Variants in CHRM3 observed in about 807,000 individuals in gnomAD.
The protein encoded by CHRM3 is muscarinic acetylcholine receptor M3.
CHRM3 carries 11 observed loss-of-function variants against 41.8 expected under a neutral mutation model. The ratio of observed to expected loss-of-function variants is 0.26; its 90% confidence interval spans 0.17 to 0.44. CHRM3 has a LOEUF of 0.44. CHRM3 is among the 20% of genes least tolerant of loss of function. The probability of loss-of-function intolerance (pLI) is 1.00; values close to 1 mark genes in which losing one functional copy is unlikely to be tolerated. For synonymous variants in CHRM3, 297 were observed against 301.4 expected (o/e 0.99, Z 0.15); for missense variants, 571 against 745.4 (o/e 0.77, Z 2.72).
intron 4 of CHRM3, among the ~76,000 whole-genome samples, chr1:239,634,591 T>C (rs1670261226): frequency 6.6e-6 from 1 of 150,700 alleles, no homozygotes; most frequent in Admixed American, 6.6e-5. Flanking sequence ...GGTCAAAATA[T>C]GGTCACCAAA....
rs377366936 is a variant in CHRM3 at position 239,600,797 on chromosome 1, TTTCCTTCC to T, written c.-312-31409_-312-31402del. ...TTCTTCTTTTCCTTCCTTCCTTTTC[TTTCCTTCC>T]TTCCTTCCTTCCTTCCTCTTTACTT... On this transcript the variant is annotated intron_variant, in intron 3 of 6. Transcript: ENST00000676153. Among the ~76,000 whole-genome samples the T allele has an allele frequency of 6.0e-5, 9 of 150,566 alleles. No individual in the cohort carries two copies. In the South Asian group the frequency reaches 6.4e-4, roughly 11 times the overall value.
chr1:239,706,310 A>G (rs1182000626), intron 5 of CHRM3: 1 of 152,026 alleles, frequency 6.6e-6, no homozygotes, highest in Non-Finnish European at 1.5e-5. Context: ...TACTGACAGA[A>G]AGGATACTTT....
chr1:239,806,061 C>G (rs187028490), intron 5 of CHRM3, among the ~76,000 whole-genome samples: 2 of 152,282 alleles, frequency 1.3e-5, no homozygotes, highest in South Asian at 2.1e-4. Flanking sequence ...GCTCAGACAC[C>G]TTTGGCATAG....
intron 5 of CHRM3, among the ~76,000 whole-genome samples, chr1:239,794,475 G>C (rs1336720576): frequency 1.3e-5 from 2 of 151,244 alleles, no homozygotes; most frequent in Non-Finnish European, 2.9e-5. Context: ...AACTCAAATG[G>C]ATGATTCAGT....
chr1:239,646,278 G>T (rs944298733), intron 4 of CHRM3, among the ~76,000 whole-genome samples: 1 of 152,070 alleles, frequency 6.6e-6, no homozygotes, highest in African/African-American at 2.4e-5. Flanking sequence ...TAGCTGATCT[G>T]TTCTGATGCT....
At chr1:239,758,523 G>C (rs1220303437) in intron 5 of CHRM3, among the ~76,000 whole-genome samples, 1 of 152,146 alleles carries the variant, frequency 6.6e-6, no homozygotes, top group Non-Finnish European at 1.5e-5. Flanking sequence ...GATATTAATA[G>C]CATAGGTGTA....
intron 3 of CHRM3, among the ~76,000 whole-genome samples, chr1:239,630,161 TATTG>T (rs1370983668): frequency 6.6e-6 from 1 of 152,232 alleles, no homozygotes; most frequent in Non-Finnish European, 1.5e-5. Flanking sequence ...GTGAACAAGA[TATTG>T]ATATTAGTAG....
At chr1:239,480,698 A>T (rs946883666) in intron 1 of CHRM3, among the ~76,000 whole-genome samples, 5 of 151,910 alleles carry the variant, frequency 3.3e-5, no homozygotes, top group Admixed American at 6.6e-5. Context: ...CGGGGACTAC[A>T]GGTGCCCACC....
intron 2 of CHRM3, among the ~76,000 whole-genome samples, chr1:239,495,827 A>G (rs1667842018): frequency 6.6e-6 from 1 of 152,116 alleles, no homozygotes. Flanking sequence ...TGCACACCCC[A>G]TCTTGATTTT....
intron 5 of CHRM3, among the ~76,000 whole-genome samples, chr1:239,810,786 C>T (rs937875772): frequency 1.8e-4 from 28 of 152,210 alleles, no homozygotes; most frequent in Admixed American, 1.8e-3. Context: ...ACCTGTTTAT[C>T]AACCCTTTGA....
At chr1:239,696,136 G>A (rs981578358) in intron 5 of CHRM3, among the ~76,000 whole-genome samples, 16 of 152,108 alleles carry the variant, frequency 1.1e-4, no homozygotes, top group Admixed American at 5.2e-4. Flanking sequence ...CTGGCCTTGG[G>A]TGGGACATTT....
intron 4 of CHRM3, among the ~76,000 whole-genome samples, chr1:239,677,798 A>G (rs552385943): frequency 1.0e-3 from 158 of 152,322 alleles, no homozygotes; most frequent in Non-Finnish European, 1.7e-3. Context: ...GCAGCTTTAT[A>G]TCAACCTAAT....
At chr1:239,808,418 C>T (rs1670833983) in intron 5 of CHRM3, among the ~76,000 whole-genome samples, 1 of 152,034 alleles carries the variant, frequency 6.6e-6, no homozygotes, top group Non-Finnish European at 1.5e-5. Context: ...ACAGAGTTTG[C>T]CCTAGAATGA....
At chr1:239,677,316 T>C (rs1483086950) in intron 4 of CHRM3, among the ~76,000 whole-genome samples, 1 of 152,234 alleles carries the variant, frequency 6.6e-6, no homozygotes, top group Non-Finnish European at 1.5e-5. Flanking sequence ...ATCAAAATGA[T>C]GAGTGAATGT....
intron 5 of CHRM3, among the ~76,000 whole-genome samples, chr1:239,679,027 GGATAGATAGATAGATA>G (rs61514483): frequency 6.7e-6 from 1 of 148,666 alleles, no homozygotes; most frequent in Admixed American, 6.8e-5. Flanking sequence ...GTAGATAGAT[GGATAGATAGATAGATA>G]GATAGATAGA....
intron 3 of CHRM3, among the ~76,000 whole-genome samples, chr1:239,559,811 A>C (rs1455038024): frequency 6.6e-6 from 1 of 152,194 alleles, no homozygotes; most frequent in Non-Finnish European, 1.5e-5. Flanking sequence ...TGCCCTGTCC[A>C]GGATCTTACC....
intron 5 of CHRM3, among the ~76,000 whole-genome samples, chr1:239,794,705 G>A (rs2148883703): frequency 6.6e-6 from 1 of 152,214 alleles, no homozygotes; most frequent in Admixed American, 6.5e-5. Flanking sequence ...TTCTTAACAA[G>A]CAGTAGTGTT....
chr1:239,665,520 G>A (rs983963103), intron 4 of CHRM3, among the ~76,000 whole-genome samples: 4 of 152,064 alleles, frequency 2.6e-5, no homozygotes, highest in African/African-American at 9.7e-5. Flanking sequence ...TTTTTGGAAT[G>A]TTTCTTTTTT....
chr1:239,647,860 G>T (rs1411750441), intron 4 of CHRM3, among the ~76,000 whole-genome samples: 1 of 152,016 alleles, frequency 6.6e-6, no homozygotes, highest in African/African-American at 2.4e-5. Flanking sequence ...TTCCTAGCTG[G>T]CTCAAAATTG....
Sources: gnomAD v4.1 joint callset for allele counts (sites outside exome capture counted in the v4.1 genomes callset) on GRCh38, gnomAD v4.1.1 for gene constraint, MANE v1.5 for transcripts, NCBI Gene and HGNC (gene_info 2026-07-23, HGNC 2026-07-21) for gene names.